DIS3L2: variants seen among roughly 807,000 people sequenced by gnomAD.
DIS3L2 encodes the protein DIS3-like exonuclease 2.
DIS3L2 carries 34 observed loss-of-function variants against 97.5 expected under a neutral mutation model. The ratio of observed to expected loss-of-function variants is 0.35; its 90% CI spans 0.27 to 0.46. The LOEUF (loss-of-function observed/expected upper bound fraction) is 0.46, where lower values mean the gene tolerates loss of function less well. Among genes scored for constraint, DIS3L2 ranks in the 20% least tolerant of loss-of-function variants. DIS3L2 has a pLI of 1.00. For missense variants in DIS3L2, 1,038 were observed against 1,146.0 expected (o/e 0.91, Z 1.36); for synonymous variants, 435 against 445.2 (o/e 0.98, Z 0.29).
intron 10 of DIS3L2, among the ~76,000 whole-genome samples, chr2:232,218,657 C>T (rs145545596): frequency 4.1e-4 from 63 of 152,306 alleles, no homozygotes; most frequent in Non-Finnish European, 7.2e-4. Context: ...CATCAGCTGG[C>T]GTCTAATCAA....
rs1297137466 is a variant in DIS3L2 at position 232,265,200 on chromosome 2, TTC to T, written c.1659+1764_1659+1765del. On this transcript the variant is annotated intron_variant, in intron 13 of 20. Coordinates refer to ENST00000325385, the MANE Select transcript of DIS3L2 (RefSeq NM_152383.5). ...AGCCCCTTTGAAACCCACCTCCTGG[TTC>T]TCTGTTTCTCTTTGTACATCTCCAG... Among the ~76,000 whole-genome samples, 3 of 152,330 alleles carry T rather than the reference TTC, an allele frequency of 2.0e-5. No individual in the cohort carries two copies. The East Asian group carries it at 5.8e-4, about 29-fold the overall frequency.
At chr2:232,249,629 G>A (rs1693365068) in intron 12 of DIS3L2, among the ~76,000 whole-genome samples, 1 of 152,242 alleles carries the variant, frequency 6.6e-6, no homozygotes, top group South Asian at 2.1e-4. Flanking sequence ...GCTTATGCAG[G>A]AGACAGGGTG....
At position 232,330,074 on chromosome 2, in the gene DIS3L2, C is replaced by T. The variant is rs574142401; in HGVS notation, c.1923+78C>T. On this transcript the variant is annotated intron_variant, in intron 15 of 20. Coordinates refer to ENST00000325385, the MANE Select transcript of DIS3L2 (RefSeq NM_152383.5). ...AGACCTGGAAGGTGGGGTGGTCCAG[C>T]GGCCTCTGCTTCCCCCCAGAGTCCC... is the stretch of plus-strand genomic sequence containing the variant. 59 of 1,497,550 alleles carry T rather than the reference C, an allele frequency of 3.9e-5. 1 individual carries two copies. The highest frequency in any genetic ancestry group is 3.2e-4 in the South Asian group (24 of 75,678). 92.8% of individuals were successfully genotyped at this position (1,497,550 alleles called of 1,614,324 possible).
chr2:231,979,915 CAGAT>C (rs577719100), intron 1 of DIS3L2, among the ~76,000 whole-genome samples: 7 of 152,264 alleles, frequency 4.6e-5, no homozygotes, highest in Admixed American at 1.3e-4. Flanking sequence ...TTTCTTCAAA[CAGAT>C]AGCCAGGTGT....
intron 13 of DIS3L2, among the ~76,000 whole-genome samples, chr2:232,265,028 G>A (rs1047404735): frequency 6.6e-6 from 1 of 152,194 alleles, no homozygotes; most frequent in Non-Finnish European, 1.5e-5. Flanking sequence ...AAAGGCATAG[G>A]GGATTACAGA....
At chr2:232,083,764 G>T (rs1475299207) in intron 5 of DIS3L2, among the ~76,000 whole-genome samples, 5 of 152,186 alleles carry the variant, frequency 3.3e-5, no homozygotes, top group Admixed American at 1.3e-4. Context: ...CAAAGTGCTG[G>T]GATTACAGGT....
At chr2:232,340,025 C>T (rs1124155), downstream of DIS3L2, among the ~76,000 whole-genome samples, 17,164 of 152,110 alleles carry the variant, frequency 0.11, 1,412 homozygotes, top group African/African-American at 0.23. Flanking sequence ...GTGGCCTGGG[C>T]GCGTTTAGCT....
chr2:232,143,986 A>G lies in DIS3L2; in HGVS notation c.950+7267A>G, dbSNP rs77411159. 8.9e-3 allele frequency among the ~76,000 whole-genome samples: 1,347 copies of G among 152,190 alleles called. 10 individuals are homozygous for G. The highest frequency in any genetic ancestry group is 0.013 in the Non-Finnish European group (883 of 67,962). On this transcript the variant is annotated intron_variant, in intron 8 of 20. Transcript: ENST00000325385. Reference sequence around the variant, plus strand: ...AATACCGTGTTATATATATTCTTCTATCATTTGCCTTTTTTCATTTAACAT... The same window carrying G: ...AATACCGTGTTATATATATTCTTCTGTCATTTGCCTTTTTTCATTTAACAT...
intron 8 of DIS3L2, among the ~76,000 whole-genome samples, chr2:232,140,226 AT>A (rs1475537646): frequency 2.0e-5 from 3 of 152,162 alleles, no homozygotes; most frequent in Admixed American, 6.5e-5. Context: ...TCAAAAAAAA[AT>A]GTTCCTTGAC....
chr2:232,222,746 C>T (rs1026641749), intron 10 of DIS3L2, among the ~76,000 whole-genome samples: 8 of 152,214 alleles, frequency 5.3e-5, no homozygotes, highest in African/African-American at 9.6e-5. Flanking sequence ...GGATTACAGG[C>T]GTGAGCCACT....
chr2:232,316,175 G>T, intron 14 of DIS3L2, among the ~76,000 whole-genome samples: 1 of 152,190 alleles, frequency 6.6e-6, no homozygotes, highest in African/African-American at 2.4e-5. Flanking sequence ...CTGGGCAGCG[G>T]CTCATCAGCT....
At chr2:232,339,778 G>A (rs1233794032), downstream of DIS3L2, 2 of 454,008 alleles carry the variant, frequency 4.4e-6, no homozygotes, top group African/African-American at 4.0e-5. Flanking sequence ...GCGCAGGCAG[G>A]ATGGGATGTG....
Position 232,024,314 on chromosome 2 carries a change from C to A in DIS3L2, c.248C>A (p.Ala83Asp), listed in dbSNP as rs113426398. The change falls in exon 4 of 21, where the codon GCC (alanine) becomes GAC (aspartate). Residue 83 changes from alanine (A) to aspartate (D), a missense_variant. Ala to Asp is a moderately radical substitution (Grantham distance 126). This residue lies in a region of DIS3L2 where 813 missense variants were observed against 880.1 expected (regional missense o/e 0.92). Transcript: ENST00000325385. The part of the protein sequence containing the change: ...LRINPKKFHE[A>D]FIPSPDGDRD... ...ATTAATCCAAAGAAGTTTCATGAAG[C>A]CTTCATTCCTTCCCCGGTAAGTTCA... 1 of 1,564,602 alleles carries A rather than the reference C, an allele frequency of 6.4e-7. No homozygotes were observed. The highest frequency in any genetic ancestry group is 1.4e-5 in the African/African-American group (1 of 73,122).
chr2:232,289,249 GTTTTTTT>G (rs1031812345), intron 13 of DIS3L2, among the ~76,000 whole-genome samples: 1 of 142,482 alleles, frequency 7.0e-6, no homozygotes, highest in Non-Finnish European at 1.5e-5. Context: ...TTTGTTTTTT[GTTTTTTT>G]TTTTTGGAGA....
chr2:232,161,850 G>A (rs1286392758), intron 8 of DIS3L2, among the ~76,000 whole-genome samples: 4 of 151,608 alleles, frequency 2.6e-5, no homozygotes, highest in South Asian at 2.1e-4. Flanking sequence ...TCGGCTCACC[G>A]CAACCTCTGA....
At chr2:231,971,008 G>T (rs1160469819) in intron 1 of DIS3L2, among the ~76,000 whole-genome samples, 2 of 152,124 alleles carry the variant, frequency 1.3e-5, no homozygotes, top group Admixed American at 1.3e-4. Flanking sequence ...AGGTTCATCA[G>T]TATCACTCTC....
At chr2:232,220,565 G>A (rs1692470805) in intron 10 of DIS3L2, among the ~76,000 whole-genome samples, 1 of 151,932 alleles carries the variant, frequency 6.6e-6, no homozygotes, top group South Asian at 2.1e-4. Context: ...AAATTAGCTG[G>A]GTGTGGTGGC....
intron 5 of DIS3L2, among the ~76,000 whole-genome samples, chr2:232,071,188 CA>C (rs1292847779): frequency 1.3e-5 from 2 of 152,034 alleles, no homozygotes; most frequent in Non-Finnish European, 2.9e-5. Context: ...CACAAAGAAT[CA>C]GAAAGAGAGA....
chr2:232,192,383 G>A (rs1171696643), intron 9 of DIS3L2, among the ~76,000 whole-genome samples: 1 of 151,856 alleles, frequency 6.6e-6, no homozygotes, highest in Non-Finnish European at 1.5e-5. Flanking sequence ...TCTAACTCAC[G>A]GTCCTCATAT....
Sources: allele counts gnomAD v4.1 joint callset (sites outside exome capture counted in the v4.1 genomes callset), GRCh38; gene constraint gnomAD v4.1.1; regional missense constraint gnomAD v4.1.1; transcripts MANE v1.5; gene names NCBI Gene and HGNC (gene_info 2026-07-23, HGNC 2026-07-21).